Variants in PLD5 observed in about 807,000 individuals in gnomAD.
PLD5 encodes phospholipase D family member 5.
PLD5 carries 36 observed loss-of-function variants against 61.1 expected under a neutral mutation model. The ratio of observed to expected loss-of-function variants is 0.59; its 90% CI spans 0.45 to 0.78. PLD5 has a LOEUF of 0.78. Among genes scored for constraint, PLD5 ranks in the 30% least tolerant of loss-of-function variants. PLD5 has a pLI of 0.00. For synonymous variants in PLD5, 243 were observed against 242.8 expected, an observed-to-expected ratio of 1.00 and a Z score of -0.01; for missense variants, 515 against 644.4, an observed-to-expected ratio of 0.80 and a Z score of 2.17.
At chr1:242,111,839 T>C (rs1661530251) in intron 7 of PLD5, among the ~76,000 whole-genome samples, 1 of 152,166 alleles carries the variant, frequency 6.6e-6, no homozygotes. Context: ...ATAAAAGAAG[T>C]TTCATTTAAT....
At chr1:242,351,513 C>T (rs1285328411) in intron 1 of PLD5, among the ~76,000 whole-genome samples, 2 of 152,054 alleles carry the variant, frequency 1.3e-5, no homozygotes, top group Non-Finnish European at 2.9e-5. Flanking sequence ...AGGGCAGTCC[C>T]CCTGCACACA....
chr1:242,183,820 G>A (rs188660947), intron 5 of PLD5, among the ~76,000 whole-genome samples: 21 of 152,232 alleles, frequency 1.4e-4, no homozygotes, highest in African/African-American at 5.1e-4. Context: ...GCGTGAACCC[G>A]GGAGGCGGAG....
rs1398839222 is a variant in PLD5, at chr1:242,524,140, T to G, written c.137A>C (p.Gln46Pro). The G allele has an allele frequency of 2.1e-5, 32 of 1,535,518 alleles. 1 individual carries two copies. In the Admixed American group the frequency reaches 6.3e-4, roughly 30 times the overall value. ...CCAGACGCTGGCGCTGTAGTCCTGCTGCTTGACGCTGCTGTAGAAGTTCGC... is the reference window on the plus strand; with the variant it reads ...CCAGACGCTGGCGCTGTAGTCCTGCGGCTTGACGCTGCTGTAGAAGTTCGC... ...VGANFYSSVK[Q>P]QDYSASVWLR... Residue 46 changes from glutamine to proline, a missense_variant, in exon 1 of 10, where the codon CAG becomes CCG. Coordinates refer to ENST00000536534, the MANE Select transcript of PLD5 (RefSeq NM_001372062.1).
chr1:242,432,544 A>G (rs1665776301), intron 1 of PLD5, among the ~76,000 whole-genome samples: 1 of 152,248 alleles, frequency 6.6e-6, no homozygotes, highest in Admixed American at 6.5e-5. Flanking sequence ...TGGGGCTTAA[A>G]GCCACTGACA....
intron 1 of PLD5, among the ~76,000 whole-genome samples, chr1:242,477,033 T>C (rs919361048): frequency 1.3e-5 from 2 of 152,168 alleles, no homozygotes; most frequent in Non-Finnish European, 2.9e-5. Flanking sequence ...GTGGATCACT[T>C]GAGGTCAGGA....
At chr1:242,167,335 G>C (rs545185870) in intron 5 of PLD5, among the ~76,000 whole-genome samples, 1 of 152,278 alleles carries the variant, frequency 6.6e-6, no homozygotes, top group East Asian at 1.9e-4. Flanking sequence ...TCATGGCAGG[G>C]AGTGAAGGAG....
At chr1:242,379,156 C>G (rs1371672526) in intron 1 of PLD5, among the ~76,000 whole-genome samples, 1 of 152,150 alleles carries the variant, frequency 6.6e-6, no homozygotes, top group Non-Finnish European at 1.5e-5. Context: ...ACGAGGCTTC[C>G]ACTCAACTTA....
chr1:242,238,381 A>C (rs1671775912), intron 4 of PLD5, among the ~76,000 whole-genome samples: 1 of 152,166 alleles, frequency 6.6e-6, no homozygotes, highest in South Asian at 2.1e-4. Flanking sequence ...CCGTCAGCCC[A>C]GCTGCCCTAT....
At chr1:242,283,919 G>A (rs1324979128) in intron 3 of PLD5, among the ~76,000 whole-genome samples, 1 of 152,006 alleles carries the variant, frequency 6.6e-6, no homozygotes, top group African/African-American at 2.4e-5. Flanking sequence ...AGGCAGTGAA[G>A]TTTTAGGGTA....
chr1:242,479,098 T>C (rs1667687250), intron 1 of PLD5, among the ~76,000 whole-genome samples: 1 of 152,222 alleles, frequency 6.6e-6, no homozygotes. Context: ...TGAATTACTG[T>C]ACCAGATTTG....
intron 4 of PLD5, among the ~76,000 whole-genome samples, chr1:242,233,169 T>TG (rs1433760761): frequency 6.6e-6 from 1 of 151,922 alleles, no homozygotes; most frequent in Non-Finnish European, 1.5e-5. Context: ...AATGAATGAA[T>TG]GAATGAATGA....
intron 5 of PLD5, among the ~76,000 whole-genome samples, chr1:242,212,819 A>G (rs1177856146): frequency 6.6e-6 from 1 of 152,224 alleles, no homozygotes; most frequent in African/African-American, 2.4e-5. Flanking sequence ...TAAAAATTTA[A>G]AAAACCTCTT....
rs1356796316 is a variant in PLD5, at chr1:242,217,379, T to C, written c.735+2609A>G. Among the ~76,000 whole-genome samples the C allele has an allele frequency of 3.9e-5, 6 of 152,158 alleles. No homozygotes were observed. In the East Asian group the frequency reaches 1.2e-3, roughly 29 times the overall value. On this transcript the variant is annotated intron_variant, in intron 5 of 9. Transcript: ENST00000536534. ...GGCTCACACTTGTAATCCCAGCACT[T>C]TGGGAGGCCGAAGTGGGTGAATCAC... is the stretch of plus-strand genomic sequence containing the variant.
At chr1:242,274,318 G>T (rs187322716) in intron 3 of PLD5, among the ~76,000 whole-genome samples, 11 of 152,248 alleles carry the variant, frequency 7.2e-5, no homozygotes, top group African/African-American at 2.4e-4. Flanking sequence ...AAGGCCATGT[G>T]GGGGCGGAGG....
chr1:242,437,754 T>C (rs1666069788), intron 1 of PLD5, among the ~76,000 whole-genome samples: 1 of 152,188 alleles, frequency 6.6e-6, no homozygotes, highest in South Asian at 2.1e-4. Context: ...ATCAATATCC[T>C]AAGTGTTTCA....
At position 242,307,754 on chromosome 1, in the gene PLD5, TC is replaced by T. The variant is rs201815382; in HGVS notation, c.327-19225del. ...TGCGAGTCAGGCTTCTCCTTTGTTC[TC>T]CTTTTGCTATCTAATAAAACGTATT... On this transcript the variant is annotated intron_variant, in intron 2 of 9. Coordinates refer to ENST00000536534, the MANE Select transcript of PLD5 (RefSeq NM_001372062.1). Among the ~76,000 whole-genome samples, 97 of 152,188 alleles carry T rather than the reference TC, an allele frequency of 6.4e-4. 1 individual carries two copies. The East Asian group carries it at 0.014, about 22-fold the overall frequency.
At chr1:242,091,826 T>A (rs935196437) in intron 9 of PLD5, among the ~76,000 whole-genome samples, 24 of 149,530 alleles carry the variant, frequency 1.6e-4, no homozygotes, top group East Asian at 6.0e-4. Context: ...TTTCTTTTCT[T>A]TTTTTCTTTT....
intron 2 of PLD5, among the ~76,000 whole-genome samples, chr1:242,299,618 TC>T (rs369189560): frequency 9.7e-4 from 147 of 152,268 alleles, no homozygotes; most frequent in Middle Eastern, 3.4e-3. Context: ...TGGGTGTTTT[TC>T]CCCCCAAGTC....
At chr1:242,140,046 A>T (rs1388196837) in intron 5 of PLD5, among the ~76,000 whole-genome samples, 2 of 152,238 alleles carry the variant, frequency 1.3e-5, no homozygotes, top group East Asian at 3.9e-4. Flanking sequence ...CTAGAGGTAC[A>T]GCCCCTACGT....
Sources: gnomAD v4.1 joint callset for allele counts (sites outside exome capture counted in the v4.1 genomes callset) on GRCh38, gnomAD v4.1.1 for gene constraint, MANE v1.5 for transcripts, NCBI Gene and HGNC (gene_info 2026-07-23, HGNC 2026-07-21) for gene names.